ZNF577: variants seen among roughly 807,000 people sequenced by gnomAD.
ZNF577 encodes the protein zinc finger protein 577.
Under a neutral mutation model 13.9 loss-of-function variants are expected in ZNF577, and 14 were observed. That is an observed-to-expected ratio of 1.00 (90% confidence interval 0.66 to 1.57). The LOEUF is 1.57. ZNF577 is among the 40% of genes most tolerant of loss of function. ZNF577 has a pLI of 0.00. For missense variants in ZNF577, 555 were observed against 579.2 expected, an observed-to-expected ratio of 0.96 and a Z score of 0.43; for synonymous variants, 203 against 202.9, an observed-to-expected ratio of 1.00 and a Z score of 0.00.
intron 5 of ZNF577, among the ~76,000 whole-genome samples, chr19:51,854,139 T>C (rs2122571473): frequency 6.6e-6 from 1 of 152,320 alleles, no homozygotes; most frequent in African/African-American, 2.4e-5. Flanking sequence ...ATTGATTCTT[T>C]GGTTGCTTGT....
At chr19:51,849,436 TACTTTC>T (rs914318351) in intron 5 of ZNF577, among the ~76,000 whole-genome samples, 36 of 152,192 alleles carry the variant, frequency 2.4e-4, no homozygotes, top group African/African-American at 7.5e-4. Context: ...ATGAGAATTC[TACTTTC>T]ATACCACTTG....
At chr19:51,815,681 A>C (rs2122465068) in intron 9 of ZNF577, among the ~76,000 whole-genome samples, 2 of 151,686 alleles carry the variant, frequency 1.3e-5, no homozygotes, top group East Asian at 3.9e-4. Context: ...CCAGTCTAGG[A>C]TACATGGCGA....
At chr19:51,885,263 T>C (rs1422302353) in intron 1 of ZNF577, among the ~76,000 whole-genome samples, 2 of 152,216 alleles carry the variant, frequency 1.3e-5, no homozygotes, top group Non-Finnish European at 2.9e-5. Context: ...CATTCTATAA[T>C]TGCAGAACCT....
rs897924336 is a variant in ZNF577 at position 51,887,717 on chromosome 19, G to T, written c.-1115C>A. 6.6e-6 allele frequency: 1 copy of T among 151,972 alleles called. No homozygotes were observed. Among genetic ancestry groups the T allele is most frequent in the East Asian group, 1.9e-4 (1 of 5,170 alleles). 9.4% of individuals were successfully genotyped at this position (151,972 alleles called of 1,614,324 possible). A position where few individuals can be genotyped will look rare whatever the true frequency, so the allele number is the denominator to read the frequency against. ...CCAACACGACTGCGAAACGAACTCC[G>T]AGCGAGGACTCCCCGAGAGCTCCCC... On this transcript the variant is annotated 5_prime_UTR_variant, in exon 1 of 6. Transcript: ENST00000638348.
rs1252519900 is a variant in ZNF577 at position 51,868,721 on chromosome 19, AAGAT to A, written c.*3807_*3810del. Among the ~76,000 whole-genome samples the A allele has an allele frequency of 6.6e-6, 1 of 152,200 alleles. No homozygotes were observed. The highest frequency in any genetic ancestry group is 1.5e-5 in the Non-Finnish European group (1 of 68,038). The stretch of plus-strand genomic sequence containing the variant: ...TTCACTCATGTGTGTGGGGGAAAGA[AAGAT>A]AGATCAGACTGCTACTGTGTCTATG... On this transcript the variant is annotated 3_prime_UTR_variant, in exon 6 of 6. Transcript: ENST00000638348.
intron 9 of ZNF577, among the ~76,000 whole-genome samples, chr19:51,839,398 G>A (rs1338216571): frequency 6.6e-6 from 1 of 151,978 alleles, no homozygotes; most frequent in Non-Finnish European, 1.5e-5. Flanking sequence ...TTTCTCTAAT[G>A]ATTAAACATA....
chr19:51,809,230 A>C (rs1226883511), intron 10 of ZNF577, among the ~76,000 whole-genome samples: 1 of 152,236 alleles, frequency 6.6e-6, no homozygotes, highest in Non-Finnish European at 1.5e-5. Flanking sequence ...TGAAAAGTAC[A>C]TGACTGTCCA....
chr19:51,809,604 A>T (rs975358510), intron 10 of ZNF577, among the ~76,000 whole-genome samples: 2 of 152,206 alleles, frequency 1.3e-5, no homozygotes. Context: ...TGTGACATTA[A>T]AACTACTTGA....
In ZNF577 at chr19:51,873,661, G is replaced by GC. The variant is rs751498990; in HGVS notation, c.328dup (p.Ala110GlyfsTer15). On this transcript the variant is annotated frameshift_variant, in exon 6 of 6. Coordinates refer to ENST00000638348, the MANE Select transcript of ZNF577 (RefSeq NM_001370449.1). LOFTEE classifies it low-confidence loss of function (END_TRUNC). ...GCATGATCTCCCATATCCACCAAAT[G>GC]CATCAGAATCTTTTCCTGCATATCT... The GC allele has an allele frequency of 6.2e-7, 1 of 1,613,654 alleles. No individual in the cohort carries two copies. The highest frequency in any genetic ancestry group is 8.5e-7 in the Non-Finnish European group (1 of 1,179,798).
chr19:51,818,574 G>A (rs933333072), intron 9 of ZNF577, among the ~76,000 whole-genome samples: 2 of 152,216 alleles, frequency 1.3e-5, no homozygotes, highest in Non-Finnish European at 2.9e-5. Context: ...AATGGGTTAA[G>A]AGAATACCTC....
intron 5 of ZNF577, among the ~76,000 whole-genome samples, chr19:51,874,292 T>C (rs1050209356): frequency 6.6e-6 from 1 of 152,146 alleles, no homozygotes; most frequent in East Asian, 1.9e-4. Context: ...GAACCTGTCA[T>C]TCAGGTAAAG....
intron 9 of ZNF577, among the ~76,000 whole-genome samples, chr19:51,820,386 A>G (rs1475230043): frequency 6.6e-6 from 1 of 152,212 alleles, no homozygotes; most frequent in Admixed American, 6.5e-5. Context: ...GGATGTTGTA[A>G]TTAGAAATAA....
At chr19:51,873,755 TTTACA>T in intron 5 of ZNF577, 49 bp from the exon 6 acceptor site, 1 of 1,388,528 alleles carries the variant, frequency 7.2e-7, no homozygotes, top group Non-Finnish European at 9.8e-7. Context: ...TTATTGTGTC[TTTACA>T]TTAAAGGAAC....
At chr19:51,835,989 G>A (rs62110083) in intron 9 of ZNF577, among the ~76,000 whole-genome samples, 1,760 of 152,130 alleles carry the variant, frequency 0.012, 8 homozygotes, top group Middle Eastern at 0.034. Context: ...CACCGCACCC[G>A]ACCTTGAAAT....
At chr19:51,853,931 A>C (rs534711422) in intron 5 of ZNF577, among the ~76,000 whole-genome samples, 1 of 152,206 alleles carries the variant, frequency 6.6e-6, no homozygotes, top group East Asian at 1.9e-4. Flanking sequence ...AGTCGAAAGA[A>C]GCAAACTGGA....
intron 5 of ZNF577, among the ~76,000 whole-genome samples, chr19:51,857,521 T>C (rs984833019): frequency 7.9e-5 from 12 of 152,196 alleles, no homozygotes; most frequent in African/African-American, 2.9e-4. Flanking sequence ...ATTTCATATC[T>C]TGGTAGAATT....
chr19:51,850,366 T>C (rs2084373723), intron 5 of ZNF577, among the ~76,000 whole-genome samples: 2 of 152,326 alleles, frequency 1.3e-5, no homozygotes, highest in Admixed American at 1.3e-4. Flanking sequence ...TGAACCCAAG[T>C]AAAATATCTG....
chr19:51,873,751 TGTC>T, intron 5 of ZNF577, 45 bp from the exon 6 acceptor site: 1 of 1,407,178 alleles, frequency 7.1e-7, no homozygotes, highest in East Asian at 2.3e-5. Flanking sequence ...AAACTTATTG[TGTC>T]TTTACATTAA....
chr19:51,806,074 G>T (rs1031160135), intron 10 of ZNF577, among the ~76,000 whole-genome samples: 5 of 152,156 alleles, frequency 3.3e-5, no homozygotes, highest in African/African-American at 1.2e-4. Context: ...AAGACATAAG[G>T]ATTAAAAACA....
Sources: allele counts gnomAD v4.1 joint callset (sites outside exome capture counted in the v4.1 genomes callset), GRCh38; gene constraint gnomAD v4.1.1; transcripts MANE v1.5; gene names NCBI Gene and HGNC (gene_info 2026-07-23, HGNC 2026-07-21).